Variants in DPYD observed in about 807,000 individuals in gnomAD.
DPYD encodes the protein dihydropyrimidine dehydrogenase, also known as dihydropyrimidine dehydrogenase [NADP(+)].
DPYD carries 109 observed loss-of-function variants against 116.2 expected under a neutral mutation model. The ratio of observed to expected loss-of-function variants is 0.94; its 90% CI spans 0.80 to 1.10. The LOEUF (loss-of-function observed/expected upper bound fraction) is 1.10. Ranked by LOEUF, DPYD falls within the 50% of genes least tolerant of loss-of-function variation. The pLI is 0.00. For missense variants in DPYD, 1,302 were observed against 1,254.5 expected, an observed-to-expected ratio of 1.04 and a Z score of -0.57; for synonymous variants, 440 against 432.0, an observed-to-expected ratio of 1.02 and a Z score of -0.23.
At chr1:97,295,542 C>T (rs1282897241) in intron 18 of DPYD, 2 of 153,270 alleles carry the variant, frequency 1.3e-5, no homozygotes, top group Non-Finnish European at 2.9e-5. Context: ...TCGCTCCTCC[C>T]ACCTCAGCCT....
At position 97,466,178 on chromosome 1, in the gene DPYD, A is replaced by C. The variant is rs79558946; in HGVS notation, c.1741-15955T>G. ...AGTGTAATCAAAATTATAACAAAAA[A>C]AGTTGGCAAATAGAAAATCTGGATA... On this transcript the variant is annotated intron_variant, in intron 13 of 22. Coordinates refer to ENST00000370192, the MANE Select transcript of DPYD (RefSeq NM_000110.4). Among the ~76,000 whole-genome samples the C allele has an allele frequency of 5.3e-4, 80 of 152,310 alleles. 1 individual carries two copies. In the East Asian group the frequency reaches 0.015, roughly 29 times the overall value.
chr1:97,722,540 A>G (rs779216138), intron 4 of DPYD, among the ~76,000 whole-genome samples: 5 of 151,516 alleles, frequency 3.3e-5, no homozygotes, highest in Admixed American at 6.6e-5. Flanking sequence ...ATAAATCTAA[A>G]ACTGCTCTAA....
chr1:97,121,831 C>T (rs1225216496), intron 20 of DPYD, among the ~76,000 whole-genome samples: 1 of 152,152 alleles, frequency 6.6e-6, no homozygotes, highest in Non-Finnish European at 1.5e-5. Context: ...GCTATTAGTC[C>T]AGCATGCTGT....
intron 16 of DPYD, among the ~76,000 whole-genome samples, chr1:97,323,254 T>TATATACATATGTGTATATGTACACGTA (rs1491230922): frequency 0.014 from 1,369 of 98,154 alleles, 608 homozygotes; most frequent in African/African-American, 0.023. Context: ...ATTTATATAC[T>TATATACATATGTGTATATGTACACGTA]TATATACATA....
intron 16 of DPYD, among the ~76,000 whole-genome samples, chr1:97,359,278 G>A (rs774125866): frequency 7.2e-5 from 11 of 152,054 alleles, no homozygotes; most frequent in Non-Finnish European, 1.5e-4. Flanking sequence ...GAAAATAAAC[G>A]AACAAAGCCT....
chr1:97,706,207 G>T (rs1195291563), intron 5 of DPYD, among the ~76,000 whole-genome samples: 2 of 151,700 alleles, frequency 1.3e-5, no homozygotes, highest in Non-Finnish European at 2.9e-5. Flanking sequence ...AAAATAGCTG[G>T]TTATTATAAT....
At chr1:97,080,002 A>G (rs1408745067) in intron 22 of DPYD, among the ~76,000 whole-genome samples, 2 of 152,076 alleles carry the variant, frequency 1.3e-5, no homozygotes, top group Non-Finnish European at 2.9e-5. Context: ...TTATTTTCCC[A>G]TTAAAGAGAA....
intron 18 of DPYD, among the ~76,000 whole-genome samples, chr1:97,253,542 C>T (rs1268621934): frequency 6.6e-6 from 1 of 152,152 alleles, no homozygotes; most frequent in Non-Finnish European, 1.5e-5. Flanking sequence ...CTTCTCGTGG[C>T]ATCGTTCCCT....
intron 3 of DPYD, among the ~76,000 whole-genome samples, chr1:97,747,460 G>T (rs777930553): frequency 2.6e-5 from 4 of 152,166 alleles, no homozygotes; most frequent in Non-Finnish European, 4.4e-5. Context: ...CTTAAAGATG[G>T]TGGGGATTGA....
At chr1:97,794,520 A>G (rs1212077578) in intron 3 of DPYD, among the ~76,000 whole-genome samples, 1 of 152,246 alleles carries the variant, frequency 6.6e-6, no homozygotes, top group Non-Finnish European at 1.5e-5. Flanking sequence ...AGATGTTTAC[A>G]GTTAACATAT....
intron 18 of DPYD, among the ~76,000 whole-genome samples, chr1:97,286,690 C>A (rs1476758906): frequency 1.3e-5 from 2 of 152,136 alleles, no homozygotes; most frequent in African/African-American, 4.8e-5. Context: ...TCACTGATAC[C>A]CTTTCTTCCA....
At chr1:97,114,539 C>T (rs1254255366) in intron 20 of DPYD, among the ~76,000 whole-genome samples, 1 of 152,112 alleles carries the variant, frequency 6.6e-6, no homozygotes, top group Non-Finnish European at 1.5e-5. Context: ...GAAAGGTTGA[C>T]AGACTTAGTT....
intron 4 of DPYD, among the ~76,000 whole-genome samples, chr1:97,723,472 C>A (rs930542730): frequency 2.0e-5 from 3 of 151,496 alleles, no homozygotes; most frequent in African/African-American, 4.8e-5. Flanking sequence ...CATGCATACA[C>A]ACACACACAA....
chr1:97,796,048 A>G lies in DPYD; in HGVS notation c.233+32066T>C, dbSNP rs193143293. Among the ~76,000 whole-genome samples the G allele has an allele frequency of 9.7e-4, 147 of 152,176 alleles. No homozygotes were observed. The Middle Eastern group carries it at 0.027, about 28-fold the overall frequency. On this transcript the variant is annotated intron_variant, in intron 3 of 22. Transcript: ENST00000370192. ...TACAGCTGAAAATTCATTTGTACACATATCTCTTTTCATCCACATACCAAT... is the reference window on the plus strand; with the variant it reads ...TACAGCTGAAAATTCATTTGTACACGTATCTCTTTTCATCCACATACCAAT...
chr1:97,772,154 G>C (rs543381963), intron 3 of DPYD, among the ~76,000 whole-genome samples: 32 of 151,786 alleles, frequency 2.1e-4, no homozygotes, highest in Non-Finnish European at 4.1e-4. Context: ...ATTCTCATCA[G>C]GGAATACAAG....
intron 16 of DPYD, among the ~76,000 whole-genome samples, chr1:97,370,914 A>G (rs557025372): frequency 1.3e-5 from 2 of 152,292 alleles, no homozygotes; most frequent in African/African-American, 4.8e-5. Flanking sequence ...GGAATACACA[A>G]TGCAATTTCC....
chr1:97,208,915 A>G (rs1226496789), intron 19 of DPYD, among the ~76,000 whole-genome samples: 1 of 152,150 alleles, frequency 6.6e-6, no homozygotes, highest in Non-Finnish European at 1.5e-5. Context: ...ATAATTATTC[A>G]AGTTCTGAAT....
At chr1:97,403,899 T>A (rs1673507352) in intron 14 of DPYD, among the ~76,000 whole-genome samples, 1 of 152,074 alleles carries the variant, frequency 6.6e-6, no homozygotes, top group Non-Finnish European at 1.5e-5. Context: ...TAATTTTAAA[T>A]CTTTCTTCTT....
At chr1:97,098,726 G>A (rs1006621446) in intron 20 of DPYD, 94 bp from the exon 21 acceptor site, 75 of 1,411,636 alleles carry the variant, frequency 5.3e-5, no homozygotes, top group Non-Finnish European at 6.2e-5. Flanking sequence ...ACAAACAAAT[G>A]TGTGTCTAGG....
Sources: gnomAD v4.1 joint callset for allele counts (sites outside exome capture counted in the v4.1 genomes callset) on GRCh38, gnomAD v4.1.1 for gene constraint, MANE v1.5 for transcripts, NCBI Gene and HGNC (gene_info 2026-07-23, HGNC 2026-07-21) for gene names.